Variants in NHLH1 observed in about 807,000 individuals in gnomAD.
NHLH1 encodes the protein nescient helix-loop-helix 1, also known as helix-loop-helix protein 1.
Under a neutral mutation model 6.7 loss-of-function variants are expected in NHLH1, and 3 were observed. That is an observed-to-expected ratio of 0.44 (90% CI 0.20 to 1.15). The LOEUF is 1.15. Among genes scored for constraint, NHLH1 ranks in the 50% most tolerant of loss-of-function variants. The probability of loss-of-function intolerance (pLI) is 0.26; values close to 1 mark genes in which losing one functional copy is unlikely to be tolerated. For missense variants in NHLH1, 177 were observed against 189.5 expected (o/e 0.93, Z 0.39); for synonymous variants, 92 against 84.2 (o/e 1.09, Z -0.51).
intron 1 of NHLH1, among the ~76,000 whole-genome samples, chr1:160,369,141 T>A (rs1192197880): frequency 6.6e-6 from 1 of 152,198 alleles, no homozygotes. Context: ...CATTCTACTT[T>A]CTGTTTCTAT....
rs755094268 is a variant in NHLH1 at position 160,371,051 on chromosome 1, C to G, written c.320C>G (p.Pro107Arg). 4 of 1,614,124 alleles carry G rather than the reference C, an allele frequency of 2.5e-6. No homozygotes were observed. The highest frequency in any genetic ancestry group is 3.3e-5 in the Admixed American group (2 of 60,016). ...ELRKLLPTLP[P>R]DKKLSKIEIL... ...CGCAAGCTGCTGCCTACGCTGCCCCCCGACAAGAAGCTCTCCAAGATTGAG... is the reference window on the plus strand; with the variant it reads ...CGCAAGCTGCTGCCTACGCTGCCCCGCGACAAGAAGCTCTCCAAGATTGAG... Residue 107 changes from proline (P) to arginine (R), a missense_variant, in exon 2 of 2, where the codon CCC becomes CGC. Coordinates refer to ENST00000302101, the MANE Select transcript of NHLH1 (RefSeq NM_005598.4).
At position 160,370,793 on chromosome 1, in the gene NHLH1, C is replaced by G. The variant is rs1467056398; in HGVS notation, c.62C>G (p.Ser21Trp). The G allele has an allele frequency of 1.2e-6, 2 of 1,612,244 alleles. No homozygotes were observed. The highest frequency in any genetic ancestry group is 1.3e-5 in the African/African-American group (1 of 74,854). ...DLPPTHSETE[S>W]GFSDCGGGAG... is the part of the protein sequence containing the mutation. ...CCGCCCACCCACTCAGAGACTGAGT[C>G]GGGCTTCAGTGACTGTGGGGGCGGG... The change falls in exon 2 of 2, where the codon TCG (serine) becomes TGG (tryptophan). Residue 21 changes from serine (S) to tryptophan (W), a missense_variant. Physicochemically the swap from Ser to Trp is radical, Grantham distance 177. Transcript: ENST00000302101.
chr1:160,371,180 A>AC lies in NHLH1; in HGVS notation c.*49dup, dbSNP rs1321686945. 1.3e-6 allele frequency: 2 copies of AC among 1,552,490 alleles called. No homozygotes were observed. The highest frequency in any genetic ancestry group is 1.7e-6 in the Non-Finnish European group (2 of 1,150,822). ...CCGGGCCTCTCTGGGGCCCCTTTCCACCGCTCACTGCTTAGAAAGGCCGCA... is the reference window on the plus strand; with the variant it reads ...CCGGGCCTCTCTGGGGCCCCTTTCCACCCGCTCACTGCTTAGAAAGGCCGCA... On this transcript the variant is annotated 3_prime_UTR_variant, in exon 2 of 2. Transcript: ENST00000302101.
In NHLH1 at chr1:160,371,602, G is replaced by A. The variant is rs1315739995; in HGVS notation, c.*469G>A. 5.9e-6 allele frequency: 1 copy of A among 168,318 alleles called. No homozygotes were observed. The highest frequency in any genetic ancestry group is 2.4e-5 in the African/African-American group (1 of 41,454). The allele number at this position is 168,318 out of a possible 1,614,324, so 10.4% of individuals were successfully genotyped here. A position where few individuals can be genotyped will look rare whatever the true frequency, so the allele number is the denominator to read the frequency against. Reference sequence around the variant, plus strand: ...GGGAGGAAGGCTGGGGTTAGAGTGGGGAGTGGGCTTCTTCCTCCAAGATCT... The same window carrying A: ...GGGAGGAAGGCTGGGGTTAGAGTGGAGAGTGGGCTTCTTCCTCCAAGATCT... On this transcript the variant is annotated 3_prime_UTR_variant, in exon 2 of 2. Coordinates refer to ENST00000302101, the MANE Select transcript of NHLH1 (RefSeq NM_005598.4).
chr1:160,370,891 G>A lies in NHLH1; in HGVS notation c.160G>A (p.Gly54Ser), dbSNP rs1649609851. The A allele has an allele frequency of 6.2e-7, 1 of 1,607,118 alleles. No individual in the cohort carries two copies. Among genetic ancestry groups the A allele is most frequent in the Non-Finnish European group, 8.5e-7 (1 of 1,176,852 alleles). ...CCGAGGCCCAGAGCCGGGAGAGCCT[G>A]GCCGGAAAGACCTGCAGCATCTGAG... ...QARGPEPGEPGRKDLQHLSRE... is the reference protein window; with the variant it reads ...QARGPEPGEPSRKDLQHLSRE... The change falls in exon 2 of 2, where the codon GGC (glycine) becomes AGC (serine). Residue 54 changes from glycine (G) to serine (S), a missense_variant. By Grantham distance (56) the Gly-to-Ser change is moderately conservative. Coordinates refer to ENST00000302101, the MANE Select transcript of NHLH1 (RefSeq NM_005598.4).
In NHLH1 at chr1:160,372,202, GA is replaced by G. The variant is rs1649644069; in HGVS notation, c.*1070del. The G allele has an allele frequency of 6.0e-6, 1 of 167,052 alleles. No individual in the cohort carries two copies. Among genetic ancestry groups the G allele is most frequent in the South Asian group, 2.1e-4 (1 of 4,828 alleles). The allele number at this position is 167,052 out of a possible 1,614,324, so 10.3% of individuals were successfully genotyped here. A position where few individuals can be genotyped will look rare whatever the true frequency, so the allele number is the denominator to read the frequency against. The stretch of plus-strand genomic sequence containing the variant: ...CTCTGCGCCCCTACTCCATGCTGCT[GA>G]TCCCCACCTGCGCACTATAGCTCAG... On this transcript the variant is annotated 3_prime_UTR_variant, in exon 2 of 2. Transcript: ENST00000302101.
chr1:160,368,806 G>A (rs1012520974), intron 1 of NHLH1, among the ~76,000 whole-genome samples: 5 of 152,130 alleles, frequency 3.3e-5, no homozygotes, highest in African/African-American at 1.2e-4. Flanking sequence ...GTGGAGAGGG[G>A]CCCTGAGAGG....
Position 160,371,313 on chromosome 1 carries a change from C to A in NHLH1, c.*180C>A. On this transcript the variant is annotated 3_prime_UTR_variant, in exon 2 of 2. Transcript: ENST00000302101. ...CCTCTTCCTTTCTCTGACCCAGGCA[C>A]CTCGAGGGCTATTCTCCTGGGTTCC... 1 of 960,006 alleles carries A rather than the reference C, an allele frequency of 1.0e-6. No homozygotes were observed. The highest frequency in any genetic ancestry group is 1.5e-6 in the Non-Finnish European group (1 of 672,348). 59.5% of individuals were successfully genotyped at this position (960,006 alleles called of 1,614,324 possible).
chr1:160,371,147 C>A lies in NHLH1; in HGVS notation c.*14C>A. On this transcript the variant is annotated 3_prime_UTR_variant, in exon 2 of 2. Transcript: ENST00000302101. ...CTGGACGTCTGAACTCAGCCTGTCT[C>A]CCACCTCCCGGGCCTCTCTGGGGCC... 1 of 1,591,648 alleles carries A rather than the reference C, an allele frequency of 6.3e-7. No individual in the cohort carries two copies. Among genetic ancestry groups the A allele is most frequent in the South Asian group, 1.1e-5 (1 of 87,868 alleles).
Position 160,371,342 on chromosome 1 carries a change from C to T in NHLH1, c.*209C>T, listed in dbSNP as rs149959900. 233 of 727,784 alleles carry T rather than the reference C, an allele frequency of 3.2e-4. 1 individual carries two copies. The African/African-American group carries it at 3.9e-3, about 12-fold the overall frequency. The allele number at this position is 727,784 out of a possible 1,614,324, so 45.1% of individuals were successfully genotyped here. On this transcript the variant is annotated 3_prime_UTR_variant, in exon 2 of 2. Coordinates refer to ENST00000302101, the MANE Select transcript of NHLH1 (RefSeq NM_005598.4). ...GAGGGCTATTCTCCTGGGTTCCTTC[C>T]GGGGTTTATTGCTGAGGCCCAGCTG... is the stretch of plus-strand genomic sequence containing the variant.
At chr1:160,367,866 G>A (rs145155021) in intron 1 of NHLH1, among the ~76,000 whole-genome samples, 3 of 152,276 alleles carry the variant, frequency 2.0e-5, no homozygotes, top group African/African-American at 7.2e-5. Context: ...CAGCATGGGG[G>A]GTGGGGAGTT....
In NHLH1 at chr1:160,371,325, T is replaced by C. The variant is rs1649621744; in HGVS notation, c.*192T>C. The C allele has an allele frequency of 1.2e-6, 1 of 825,846 alleles. No homozygotes were observed. The highest frequency in any genetic ancestry group is 1.8e-6 in the Non-Finnish European group (1 of 554,218). The allele number at this position is 825,846 out of a possible 1,614,324, so 51.2% of individuals were successfully genotyped here. ...TCTGACCCAGGCACCTCGAGGGCTATTCTCCTGGGTTCCTTCCGGGGTTTA... is the reference window on the plus strand; with the variant it reads ...TCTGACCCAGGCACCTCGAGGGCTACTCTCCTGGGTTCCTTCCGGGGTTTA... On this transcript the variant is annotated 3_prime_UTR_variant, in exon 2 of 2. Coordinates refer to ENST00000302101, the MANE Select transcript of NHLH1 (RefSeq NM_005598.4).
chr1:160,370,629 G>A lies in NHLH1; in HGVS notation c.-103G>A, dbSNP rs1048917379. ...TCTAGAGCTCAGTGGCAGACCCCACGACCCTTCCTCCCCCTTCCTCCCCCT... is the reference window on the plus strand; with the variant it reads ...TCTAGAGCTCAGTGGCAGACCCCACAACCCTTCCTCCCCCTTCCTCCCCCT... On this transcript the variant is annotated 5_prime_UTR_variant, in exon 2 of 2. Coordinates refer to ENST00000302101, the MANE Select transcript of NHLH1 (RefSeq NM_005598.4). The A allele has an allele frequency of 1.4e-5, 17 of 1,184,488 alleles. No individual in the cohort carries two copies. The highest frequency in any genetic ancestry group is 1.9e-5 in the Non-Finnish European group (16 of 831,216). 73.4% of individuals were successfully genotyped at this position (1,184,488 alleles called of 1,614,324 possible). A position where few individuals can be genotyped will look rare whatever the true frequency, so the allele number is the denominator to read the frequency against.
chr1:160,371,168 G>A lies in NHLH1; in HGVS notation c.*35G>A. 1.3e-6 allele frequency: 2 copies of A among 1,567,214 alleles called. No individual in the cohort carries two copies. The highest frequency in any genetic ancestry group is 1.7e-6 in the Non-Finnish European group (2 of 1,157,542). The stretch of plus-strand genomic sequence containing the variant: ...GTCTCCCACCTCCCGGGCCTCTCTG[G>A]GGCCCCTTTCCACCGCTCACTGCTT... On this transcript the variant is annotated 3_prime_UTR_variant, in exon 2 of 2. Coordinates refer to ENST00000302101, the MANE Select transcript of NHLH1 (RefSeq NM_005598.4).
At chr1:160,368,857 A>G (rs1304054348) in intron 1 of NHLH1, among the ~76,000 whole-genome samples, 1 of 152,234 alleles carries the variant, frequency 6.6e-6, no homozygotes, top group Non-Finnish European at 1.5e-5. Context: ...TCCCCTCACA[A>G]CTGGGAAGCA....
At position 160,372,492 on chromosome 1, in the gene NHLH1, C is replaced by A. The variant is rs1649650251; in HGVS notation, c.*1359C>A. On this transcript the variant is annotated 3_prime_UTR_variant, in exon 2 of 2. Coordinates refer to ENST00000302101, the MANE Select transcript of NHLH1 (RefSeq NM_005598.4). ...TGCTTCCTCCCTGCTTACGCCTTTCCTTTTCTTGCTCCTTCTTCAACTCCT... is the reference window on the plus strand; with the variant it reads ...TGCTTCCTCCCTGCTTACGCCTTTCATTTTCTTGCTCCTTCTTCAACTCCT... The A allele has an allele frequency of 6.0e-6, 1 of 167,094 alleles. No homozygotes were observed. Among genetic ancestry groups the A allele is most frequent in the Admixed American group, 6.5e-5 (1 of 15,278 alleles). 10.4% of individuals were successfully genotyped at this position (167,094 alleles called of 1,614,324 possible).
In NHLH1 at chr1:160,371,324, A is replaced by C; in HGVS notation, c.*191A>C. On this transcript the variant is annotated 3_prime_UTR_variant, in exon 2 of 2. Coordinates refer to ENST00000302101, the MANE Select transcript of NHLH1 (RefSeq NM_005598.4). The stretch of plus-strand genomic sequence containing the variant: ...CTCTGACCCAGGCACCTCGAGGGCT[A>C]TTCTCCTGGGTTCCTTCCGGGGTTT... The C allele has an allele frequency of 1.1e-6, 1 of 869,914 alleles. No homozygotes were observed. The highest frequency in any genetic ancestry group is 1.7e-6 in the Non-Finnish European group (1 of 591,956). 53.9% of individuals were successfully genotyped at this position (869,914 alleles called of 1,614,324 possible). A position where few individuals can be genotyped will look rare whatever the true frequency, so the allele number is the denominator to read the frequency against.
chr1:160,367,708 G>T, intron 1 of NHLH1, among the ~76,000 whole-genome samples: 1 of 152,162 alleles, frequency 6.6e-6, no homozygotes, highest in Non-Finnish European at 1.5e-5. Flanking sequence ...TGAGACTGGG[G>T]CCAGATGGGG....
Position 160,372,333 on chromosome 1 carries a change from ATATT to A in NHLH1, c.*1221_*1224del, listed in dbSNP as rs553221245. On this transcript the variant is annotated 3_prime_UTR_variant, in exon 2 of 2. Transcript: ENST00000302101. ...GCACCAAACTCCTAGCTCTACAAGTATATTTATTTATTTATTTATTTATTCATCT... is the reference window on the plus strand; with the variant it reads ...GCACCAAACTCCTAGCTCTACAAGTATATTTATTTATTTATTTATTCATCT... The A allele has an allele frequency of 0.012, 1,907 of 164,224 alleles. 10 individuals are homozygous for A. The highest frequency in any genetic ancestry group is 0.031 in the Middle Eastern group (9 of 294). The allele number at this position is 164,224 out of a possible 1,614,324, so 10.2% of individuals were successfully genotyped here.
Sources: gnomAD v4.1 joint callset for allele counts (sites outside exome capture counted in the v4.1 genomes callset) on GRCh38, gnomAD v4.1.1 for gene constraint, MANE v1.5 for transcripts, NCBI Gene and HGNC (gene_info 2026-07-23, HGNC 2026-07-21) for gene names.